Variants in RBMS1 observed in about 807,000 individuals in gnomAD.
The protein encoded by RBMS1 is RNA-binding motif, single-stranded-interacting protein 1.
RBMS1 carries 17 observed loss-of-function variants against 62.3 expected under a neutral mutation model. That is an observed-to-expected ratio of 0.27 (90% CI 0.19 to 0.41). RBMS1 has a LOEUF of 0.41. Ranked by LOEUF, RBMS1 falls within the 10% of genes least tolerant of loss-of-function variation. RBMS1 has a pLI of 1.00. For synonymous variants in RBMS1, 172 were observed against 170.0 expected (o/e 1.01, Z -0.09); for missense variants, 334 against 504.5 (o/e 0.66, Z 3.24).
intron 1 of RBMS1, among the ~76,000 whole-genome samples, chr2:160,439,242 C>T (rs995810120): frequency 1.3e-5 from 2 of 151,940 alleles, no homozygotes; most frequent in Non-Finnish European, 2.9e-5. Context: ...GACGGAGACG[C>T]TCCTCACTTC....
chr2:160,439,753 AGCC>A (rs1187857306), intron 1 of RBMS1, among the ~76,000 whole-genome samples: 2 of 152,208 alleles, frequency 1.3e-5, no homozygotes, highest in Non-Finnish European at 1.5e-5. Context: ...ACTGCACTCC[AGCC>A]TGGGCACCAC....
intron 6 of RBMS1, among the ~76,000 whole-genome samples, chr2:160,290,179 G>A (rs1688607698): frequency 6.7e-6 from 1 of 148,654 alleles, no homozygotes; most frequent in Non-Finnish European, 1.5e-5. Context: ...ACAGGTTACA[G>A]GTTGAAGAAT....
chr2:160,486,947 C>T (rs1685624462), intron 1 of RBMS1, among the ~76,000 whole-genome samples: 1 of 152,124 alleles, frequency 6.6e-6, no homozygotes. Context: ...ACCACTATGC[C>T]ATCATTTAAG....
chr2:160,361,257 C>A (rs1229896726), intron 2 of RBMS1, among the ~76,000 whole-genome samples: 1 of 152,204 alleles, frequency 6.6e-6, no homozygotes, highest in African/African-American at 2.4e-5. Context: ...ACCACAGCAA[C>A]CTTTAAGATA....
At chr2:160,426,237 G>GA (rs1248391504) in intron 1 of RBMS1, among the ~76,000 whole-genome samples, 1 of 106,214 alleles carries the variant, frequency 9.4e-6, no homozygotes, top group African/African-American at 3.8e-5. Context: ...AAGAAAGAAA[G>GA]AAAGAAAGAA....
rs776689984 is a variant in RBMS1 at position 160,272,950 on chromosome 2, A to G, written c.*1822T>C. 2 of 152,214 alleles carry G rather than the reference A, an allele frequency of 1.3e-5. No individual in the cohort carries two copies. The highest frequency in any genetic ancestry group is 2.9e-5 in the Non-Finnish European group (2 of 68,038). The allele number at this position is 152,214 out of a possible 1,614,324, so 9.4% of individuals were successfully genotyped here. On this transcript the variant is annotated 3_prime_UTR_variant, in exon 14 of 14. Coordinates refer to ENST00000348849, the MANE Select transcript of RBMS1 (RefSeq NM_016836.4). ...TAGCCCTAGCTCCTGAGCTAGGAGG[A>G]TTTGGTCTGTGGAAACAGGGAGGGC...
intron 5 of RBMS1, chr2:160,302,637 C>A (rs997034830): frequency 1.3e-5 from 2 of 152,092 alleles, no homozygotes; most frequent in African/African-American, 4.8e-5. Flanking sequence ...GCCTCCCAAG[C>A]AGCTGGGATT....
At chr2:160,482,880 C>T (rs1685425631) in intron 1 of RBMS1, among the ~76,000 whole-genome samples, 1 of 152,158 alleles carries the variant, frequency 6.6e-6, no homozygotes, top group South Asian at 2.1e-4. Flanking sequence ...TCACAATGTA[C>T]TTATCTCAAC....
intron 1 of RBMS1, among the ~76,000 whole-genome samples, chr2:160,457,953 TTTG>T (rs60006211): frequency 0.28 from 41,402 of 150,406 alleles, 6,471 homozygotes; most frequent in Admixed American, 0.41. Context: ...TATTGGTTTG[TTTG>T]TTGTTGTTGT....
At chr2:160,456,323 T>G (rs540545309) in intron 1 of RBMS1, among the ~76,000 whole-genome samples, 1 of 152,344 alleles carries the variant, frequency 6.6e-6, no homozygotes, top group African/African-American at 2.4e-5. Context: ...ACTGGAAAGA[T>G]GAGGAAATTG....
intron 10 of RBMS1, chr2:160,279,758 T>C (rs112442637): frequency 1.3e-5 from 2 of 152,174 alleles, no homozygotes; most frequent in African/African-American, 4.8e-5. Flanking sequence ...GATAATTAGA[T>C]AGACAATCTA....
At chr2:160,306,862 C>T (rs1240902216) in intron 4 of RBMS1, among the ~76,000 whole-genome samples, 1 of 151,954 alleles carries the variant, frequency 6.6e-6, no homozygotes, top group East Asian at 1.9e-4. Context: ...AGTTTAGTAT[C>T]TTTAAAAGCA....
At chr2:160,435,864 A>G (rs1683087726) in intron 1 of RBMS1, among the ~76,000 whole-genome samples, 1 of 152,182 alleles carries the variant, frequency 6.6e-6, no homozygotes, top group Non-Finnish European at 1.5e-5. Flanking sequence ...GTGTAACTAA[A>G]TGTTTCATCA....
intron 2 of RBMS1, among the ~76,000 whole-genome samples, chr2:160,322,142 A>G (rs1690595494): frequency 6.6e-6 from 1 of 152,218 alleles, no homozygotes; most frequent in Admixed American, 6.5e-5. Context: ...TAACTTCACA[A>G]CAATCTTATG....
In RBMS1 at chr2:160,379,421, T is replaced by C. The variant is rs566421396; in HGVS notation, c.76-12030A>G. ...ACAACAGCCCTGAGACTTTCCTCTGTTTTATGGAGTCAGCCCATGCACTAT... is the reference window on the plus strand; with the variant it reads ...ACAACAGCCCTGAGACTTTCCTCTGCTTTATGGAGTCAGCCCATGCACTAT... On this transcript the variant is annotated intron_variant, in intron 1 of 13. Coordinates refer to ENST00000348849, the MANE Select transcript of RBMS1 (RefSeq NM_016836.4). Among the ~76,000 whole-genome samples, 4 of 152,316 alleles carry C rather than the reference T, an allele frequency of 2.6e-5. No individual in the cohort carries two copies. In the South Asian group the frequency reaches 8.3e-4, roughly 32 times the overall value.
At chr2:160,285,689 T>C (rs977744826) in intron 7 of RBMS1, among the ~76,000 whole-genome samples, 5 of 151,530 alleles carry the variant, frequency 3.3e-5, no homozygotes, top group African/African-American at 9.7e-5. Context: ...AACTCAGTGA[T>C]AAATGTACTA....
intron 2 of RBMS1, among the ~76,000 whole-genome samples, chr2:160,354,904 G>A (rs1393525041): frequency 6.6e-6 from 1 of 152,078 alleles, no homozygotes; most frequent in Non-Finnish European, 1.5e-5. Flanking sequence ...CATAAACTTG[G>A]TCAGGATTGT....
At chr2:160,380,150 A>G (rs1363626601) in intron 1 of RBMS1, among the ~76,000 whole-genome samples, 1 of 152,226 alleles carries the variant, frequency 6.6e-6, no homozygotes, top group Non-Finnish European at 1.5e-5. Context: ...AAAATAAGAA[A>G]ATGACACCAT....
intron 1 of RBMS1, among the ~76,000 whole-genome samples, chr2:160,424,006 A>G (rs1321064476): frequency 2.0e-5 from 3 of 150,870 alleles, no homozygotes; most frequent in Non-Finnish European, 4.4e-5. Context: ...GAAGTTCAAG[A>G]AAAAAAGTGC....
Sources: allele counts gnomAD v4.1 joint callset (sites outside exome capture counted in the v4.1 genomes callset), GRCh38; gene constraint gnomAD v4.1.1; transcripts MANE v1.5; gene names NCBI Gene and HGNC (gene_info 2026-07-23, HGNC 2026-07-21).